SPACA9: variants seen among roughly 807,000 people sequenced by gnomAD.
SPACA9 encodes sperm acrosome-associated protein 9.
Under a neutral mutation model 12.5 loss-of-function variants are expected in SPACA9, and 14 were observed. The ratio of observed to expected loss-of-function variants is 1.12; its 90% CI spans 0.74 to 1.75. The LOEUF is 1.75. SPACA9 is among the 40% of genes most tolerant of loss of function. SPACA9 has a pLI of 0.00. For missense variants in SPACA9, 292 were observed against 291.9 expected (o/e 1.00, Z 0.00); for synonymous variants, 111 against 114.1 (o/e 0.97, Z 0.17).
At chr9:132,880,293 C>T (rs758732508) in intron 1 of SPACA9, among the ~76,000 whole-genome samples, 5 of 152,128 alleles carry the variant, frequency 3.3e-5, no homozygotes, top group Non-Finnish European at 7.3e-5. Flanking sequence ...GAGAAGTGCC[C>T]GTCCCCTGTG....
intron 1 of SPACA9, among the ~76,000 whole-genome samples, chr9:132,882,007 T>G: frequency 6.6e-6 from 1 of 152,180 alleles, no homozygotes; most frequent in East Asian, 1.9e-4. Context: ...GCCAAGGATA[T>G]GGCAGGTGTC....
chr9:132,884,312 G>A (rs536023983), intron 2 of SPACA9, among the ~76,000 whole-genome samples: 5 of 152,292 alleles, frequency 3.3e-5, no homozygotes, highest in South Asian at 4.1e-4. Context: ...AAACTCAGCC[G>A]GCCAGGGCTT....
At chr9:132,881,384 C>T (rs907088905) in intron 1 of SPACA9, among the ~76,000 whole-genome samples, 1 of 150,824 alleles carries the variant, frequency 6.6e-6, no homozygotes, top group Non-Finnish European at 1.5e-5. Flanking sequence ...GGGAGGATCA[C>T]TTGAGCCCAG....
chr9:132,884,151 A>G, intron 2 of SPACA9, 60 bp downstream of exon 2: 2 of 1,573,898 alleles, frequency 1.3e-6, no homozygotes, highest in Non-Finnish European at 1.7e-6. Flanking sequence ...CTCTCACAAA[A>G]GATGAAACCA....
chr9:132,884,842 G>A (rs1468016408), intron 2 of SPACA9, among the ~76,000 whole-genome samples: 6 of 152,366 alleles, frequency 3.9e-5, no homozygotes, highest in East Asian at 3.9e-4. Context: ...CTGGCCAGGC[G>A]TGGTGGCTCA....
Position 132,888,568 on chromosome 9 carries a change from G to A in SPACA9, c.626G>A (p.Gly209Glu). The A allele has an allele frequency of 6.4e-7, 1 of 1,550,496 alleles. No homozygotes were observed. ...QLTKASLKPR[G>E]CSKPPWRPPG... ...ACAAAAGCCAGCCTCAAACCCAGGG[G>A]ATGTTCAAAACCACCCTGGAGGCCT... The change falls in exon 4 of 4, where the codon GGA becomes GAA. Residue 209 changes from glycine (G) to glutamate (E), a missense_variant. By Grantham distance (98) the Gly-to-Glu change is moderately conservative (BLOSUM62 -2). Coordinates refer to ENST00000356311, the MANE Select transcript of SPACA9 (RefSeq NM_001316897.2). The surrounding 1 kb of genome is among the most constrained non-coding windows in gnomAD (Gnocchi z 5.0).
chr9:132,878,776 CG>C, upstream of SPACA9: 1 of 985,696 alleles, frequency 1.0e-6, no homozygotes, highest in South Asian at 4.7e-5. The surrounding 1 kb of genome is among the most constrained non-coding windows in gnomAD (Gnocchi z 4.7). Context: ...AGTCGAGCCC[CG>C]GTAGACCCCT....
chr9:132,886,280 C>T (rs1366618901), intron 2 of SPACA9, among the ~76,000 whole-genome samples: 2 of 152,242 alleles, frequency 1.3e-5, no homozygotes, highest in Non-Finnish European at 2.9e-5. Flanking sequence ...AGACCTCCGG[C>T]TCTGGCCCAA....
At chr9:132,879,234 T>C (rs574978514) in intron 1 of SPACA9, among the ~76,000 whole-genome samples, 1 of 152,224 alleles carries the variant, frequency 6.6e-6, no homozygotes, top group South Asian at 2.1e-4. Flanking sequence ...TGATATTTTA[T>C]TAGTCGCAAC....
In SPACA9 at chr9:132,888,690, A is replaced by T; in HGVS notation, c.*79A>T. The stretch of plus-strand genomic sequence containing the variant: ...ACTGGTTGGTCCTTTTTTCACTGGT[A>T]CCCATGGACCCTGCCACTTACTAAC... On this transcript the variant is annotated 3_prime_UTR_variant, in exon 4 of 4. Transcript: ENST00000356311. This position sits in a 1 kb window ranked among gnomAD's most constrained non-coding sequence, Gnocchi z 5.0. 6.9e-7 allele frequency: 1 copy of T among 1,458,780 alleles called. No individual in the cohort carries two copies. The highest frequency in any genetic ancestry group is 9.1e-7 in the Non-Finnish European group (1 of 1,104,544). 90.4% of individuals were successfully genotyped at this position (1,458,780 alleles called of 1,614,324 possible).
intron 2 of SPACA9, among the ~76,000 whole-genome samples, chr9:132,886,559 A>T (rs1844569341): frequency 6.6e-6 from 1 of 152,178 alleles, no homozygotes; most frequent in Non-Finnish European, 1.5e-5. Context: ...GGGGTAGGGC[A>T]CGGAGCCACT....
Position 132,889,401 on chromosome 9 carries a change from A to G in SPACA9, c.*790A>G. The stretch of plus-strand genomic sequence containing the variant: ...GAGTGGGGGTCGGCATGTGGAACTC[A>G]GCGTGTTTATTTTTTTATTTTTTGA... On this transcript the variant is annotated 3_prime_UTR_variant, in exon 4 of 4. Coordinates refer to ENST00000356311, the MANE Select transcript of SPACA9 (RefSeq NM_001316897.2). 1 of 985,330 alleles carries G rather than the reference A, an allele frequency of 1.0e-6. No homozygotes were observed. The highest frequency in any genetic ancestry group is 1.2e-6 in the Non-Finnish European group (1 of 829,870). The allele number at this position is 985,330 out of a possible 1,614,324, so 61.0% of individuals were successfully genotyped here.
chr9:132,884,063 A>G lies in SPACA9; in HGVS notation c.116A>G (p.Lys39Arg). The G allele has an allele frequency of 6.2e-7, 1 of 1,614,098 alleles. No individual in the cohort carries two copies. The highest frequency in any genetic ancestry group is 8.5e-7 in the Non-Finnish European group (1 of 1,179,978). ...LEHCRENAHD[K>R]IRPISSIGQV... Reference sequence around the variant, plus strand: ...CACTGCAGGGAGAACGCCCACGACAAGATCCGGCCCATCTCCAGCATTGGA... The same window carrying G: ...CACTGCAGGGAGAACGCCCACGACAGGATCCGGCCCATCTCCAGCATTGGA... The change falls in exon 2 of 4, where the codon AAG (lysine) becomes AGG (arginine). Residue 39 changes from lysine (K) to arginine (R), a missense_variant. Physicochemically the swap from Lys to Arg is conservative, Grantham distance 26 (BLOSUM62 2). Coordinates refer to ENST00000356311, the MANE Select transcript of SPACA9 (RefSeq NM_001316897.2).
Position 132,884,029 on chromosome 9 carries a change from G to A in SPACA9, c.82G>A (p.Ala28Thr), listed in dbSNP as rs751657252. Residue 28 changes from alanine (A) to threonine (T), a missense_variant, in exon 2 of 4, where the codon GCT (alanine) becomes ACT (threonine). Ala to Thr is a moderately conservative substitution (Grantham distance 58, BLOSUM62 0). Transcript: ENST00000356311. ...GCAGCAGCAGCTCACCTTCACCGCC[G>A]CTCTGGAGCACTGCAGGGAGAACGC... ...FQQQQLTFTAALEHCRENAHD... is the reference protein window; with the variant it reads ...FQQQQLTFTATLEHCRENAHD... The A allele has an allele frequency of 5.6e-6, 9 of 1,614,150 alleles. No homozygotes were observed. Among genetic ancestry groups the A allele is most frequent in the South Asian group, 3.3e-5 (3 of 91,074 alleles).
rs73660289 is a variant in SPACA9, at chr9:132,887,951, T to C, written c.348-339T>C. Among the ~76,000 whole-genome samples, 1,995 of 152,194 alleles carry C rather than the reference T, an allele frequency of 0.013. 47 individuals carry two copies. The highest frequency in any genetic ancestry group is 0.044 in the African/African-American group (1,820 of 41,514). Reference sequence around the variant, plus strand: ...TCCTCATCCTGACAGCCCGGGAGCCTGCAGCACAGTGGGCCAGAGCCTGGG... The same window carrying C: ...TCCTCATCCTGACAGCCCGGGAGCCCGCAGCACAGTGGGCCAGAGCCTGGG... On this transcript the variant is annotated intron_variant, in intron 3 of 3. Coordinates refer to ENST00000356311, the MANE Select transcript of SPACA9 (RefSeq NM_001316897.2). This position sits in a 1 kb window ranked among gnomAD's most constrained non-coding sequence, Gnocchi z 5.4.
chr9:132,878,616 T>G, upstream of SPACA9: 1 of 1,064,308 alleles, frequency 9.4e-7, no homozygotes, highest in Non-Finnish European at 1.1e-6. This position sits in a 1 kb window ranked among gnomAD's most constrained non-coding sequence, Gnocchi z 4.7. Flanking sequence ...CTGTCAGTGC[T>G]CCCCGGCCCG....
rs1039893232 is a variant in SPACA9, at chr9:132,888,031, C to T, written c.348-259C>T. On this transcript the variant is annotated intron_variant, in intron 3 of 3. Transcript: ENST00000356311. The surrounding 1 kb of genome is among the most constrained non-coding windows in gnomAD (Gnocchi z 5.0). ...GCCAGAGGGATGAGCCAGCCAGTTCCTCACCCCTAACCCAGGTTTCTACGG... is the reference window on the plus strand; with the variant it reads ...GCCAGAGGGATGAGCCAGCCAGTTCTTCACCCCTAACCCAGGTTTCTACGG... Among the ~76,000 whole-genome samples, 3 of 152,314 alleles carry T rather than the reference C, an allele frequency of 2.0e-5. No homozygotes were observed. Among genetic ancestry groups the T allele is most frequent in the African/African-American group, 7.2e-5 (3 of 41,564 alleles).
At chr9:132,880,432 G>A (rs2131475620) in intron 1 of SPACA9, among the ~76,000 whole-genome samples, 1 of 152,258 alleles carries the variant, frequency 6.6e-6, no homozygotes. Flanking sequence ...CAAGAACAGA[G>A]TCAGTTCCTC....
At chr9:132,883,272 G>T (rs575480843) in intron 1 of SPACA9, among the ~76,000 whole-genome samples, 1 of 152,198 alleles carries the variant, frequency 6.6e-6, no homozygotes, top group Admixed American at 6.5e-5. Flanking sequence ...TGAGACCAAG[G>T]CTCCTGCCCC....
Sources: gnomAD v4.1 joint callset for allele counts (sites outside exome capture counted in the v4.1 genomes callset) on GRCh38, gnomAD v4.1.1 for gene constraint, Gnocchi (gnomAD v3.1) non-coding constraint, MANE v1.5 for transcripts, NCBI Gene and HGNC (gene_info 2026-07-23, HGNC 2026-07-21) for gene names.